The following MACROD2 variants were observed in gnomAD, a reference collection of about 807,000 sequenced individuals.
The protein encoded by MACROD2 is mono-ADP ribosylhydrolase 2.
In MACROD2, 36 loss-of-function variants were observed where a neutral mutation model predicts 70.4. The observed-to-expected ratio is 0.51, with a 90% CI of 0.39 to 0.68. The LOEUF (loss-of-function observed/expected upper bound fraction) is 0.68, where lower values mean the gene tolerates loss of function less well. MACROD2 is among the 30% of genes least tolerant of loss of function. MACROD2 has a pLI of 0.00. For synonymous variants in MACROD2, 172 were observed against 178.8 expected (o/e 0.96, Z 0.30); for missense variants, 496 against 538.4 (o/e 0.92, Z 0.78).
At chr20:14,074,376 C>G (rs1175447836) in intron 2 of MACROD2, among the ~76,000 whole-genome samples, 1 of 152,156 alleles carries the variant, frequency 6.6e-6, no homozygotes, top group African/African-American at 2.4e-5. Flanking sequence ...ATCCAGGACT[C>G]AGCTGTATAC....
intron 11 of MACROD2, 114 bp downstream of exon 11, chr20:15,933,452 A>G: frequency 7.4e-6 from 7 of 944,924 alleles, no homozygotes; most frequent in Non-Finnish European, 1.1e-5. Context: ...GATGAACTCC[A>G]GTGTTCATTC....
chr20:14,360,709 G>A (rs149122940), intron 3 of MACROD2, among the ~76,000 whole-genome samples: 13 of 152,306 alleles, frequency 8.5e-5, no homozygotes, highest in African/African-American at 3.1e-4. Context: ...AGTTATTGCT[G>A]TAATCAGGCA....
intron 3 of MACROD2, among the ~76,000 whole-genome samples, chr20:14,423,224 A>C (rs1275108222): frequency 6.6e-6 from 1 of 152,140 alleles, no homozygotes; most frequent in African/African-American, 2.4e-5. Flanking sequence ...AGACACCACA[A>C]AATTTTCTAT....
intron 2 of MACROD2, among the ~76,000 whole-genome samples, chr20:14,066,061 C>A (rs1026504502): frequency 6.6e-6 from 1 of 151,900 alleles, no homozygotes; most frequent in Admixed American, 6.6e-5. Flanking sequence ...TTTCTTTTTA[C>A]TAATTTAGGC....
intron 8 of MACROD2, among the ~76,000 whole-genome samples, chr20:15,516,922 A>G (rs1234157719): frequency 6.6e-6 from 1 of 152,220 alleles, no homozygotes; most frequent in Non-Finnish European, 1.5e-5. Context: ...TCAAAACACT[A>G]CTTATGCTCA....
intron 8 of MACROD2, among the ~76,000 whole-genome samples, chr20:15,568,168 A>G (rs888124): frequency 0.029 from 4,450 of 152,184 alleles, 201 homozygotes; most frequent in South Asian, 0.13. Context: ...CCATTTCTCT[A>G]TCATGGCAAA....
intron 3 of MACROD2, among the ~76,000 whole-genome samples, chr20:14,313,696 T>C (rs761410715): frequency 2.0e-5 from 3 of 152,176 alleles, no homozygotes; most frequent in Admixed American, 2.0e-4. Context: ...GTAGACATCA[T>C]AGAAGAATTT....
intron 16 of MACROD2, among the ~76,000 whole-genome samples, chr20:16,043,303 G>A (rs1383834332): frequency 6.6e-6 from 1 of 152,044 alleles, no homozygotes; most frequent in Non-Finnish European, 1.5e-5. Context: ...GTAAAAAATA[G>A]GGACGCTGAC....
intron 4 of MACROD2, among the ~76,000 whole-genome samples, chr20:14,552,098 A>T (rs996390219): frequency 1.3e-5 from 2 of 151,742 alleles, no homozygotes; most frequent in African/African-American, 4.8e-5. Flanking sequence ...CCTCAGGGAG[A>T]TCAGAAAGCA....
intron 6 of MACROD2, among the ~76,000 whole-genome samples, chr20:15,266,754 T>A (rs1380378068): frequency 1.3e-5 from 2 of 152,222 alleles, no homozygotes; most frequent in East Asian, 3.8e-4. Flanking sequence ...ATTGTATGTC[T>A]CTTGGTTACC....
rs192959074 is a variant in MACROD2, at chr20:15,300,768, A to G, written c.540+70707A>G. On this transcript the variant is annotated intron_variant, in intron 6 of 17. Transcript: ENST00000684519. ...AAGTGGGTAGGGTTAAGGCTGGTCA[A>G]TGATAAACCTGGCATCAGTATTAGA... Among the ~76,000 whole-genome samples, 301 of 152,308 alleles carry G rather than the reference A, an allele frequency of 2.0e-3. 2 individuals carry two copies. The highest frequency in any genetic ancestry group is 6.4e-3 in the African/African-American group (268 of 41,562).
chr20:15,940,468 C>A (rs2065736071), intron 12 of MACROD2, among the ~76,000 whole-genome samples: 1 of 152,152 alleles, frequency 6.6e-6, no homozygotes, highest in South Asian at 2.1e-4. Flanking sequence ...ACAGAGAAAT[C>A]TTCTGTGAAA....
intron 5 of MACROD2, among the ~76,000 whole-genome samples, chr20:14,895,796 T>C (rs1214850746): frequency 1.3e-5 from 2 of 152,294 alleles, no homozygotes; most frequent in East Asian, 3.9e-4. Flanking sequence ...TAGGTTCCTT[T>C]CTAGTTGAGA....
At chr20:14,118,111 A>G (rs1275159253) in intron 3 of MACROD2, among the ~76,000 whole-genome samples, 1 of 152,186 alleles carries the variant, frequency 6.6e-6, no homozygotes, top group African/African-American at 2.4e-5. Flanking sequence ...GTTTGTGGCA[A>G]TTTGTTATAC....
intron 5 of MACROD2, among the ~76,000 whole-genome samples, chr20:15,111,860 G>C (rs1183667018): frequency 1.3e-5 from 2 of 152,210 alleles, no homozygotes; most frequent in East Asian, 3.8e-4. Context: ...GCAAGTCTTT[G>C]AACTGTCAGA....
chr20:15,444,953 A>AATTACT (rs5840667), intron 7 of MACROD2, among the ~76,000 whole-genome samples: 71,388 of 151,250 alleles, frequency 0.47, 17,221 homozygotes, highest in African/African-American at 0.58. Context: ...AACATTTAAC[A>AATTACT]ATTATTTTTA....
intron 13 of MACROD2, chr20:15,985,771 G>A (rs1448883659): frequency 6.6e-6 from 1 of 152,306 alleles, no homozygotes; most frequent in Non-Finnish European, 1.5e-5. Flanking sequence ...AAGAAACGTA[G>A]CAGGATTAGC....
intron 8 of MACROD2, among the ~76,000 whole-genome samples, chr20:15,609,856 C>G (rs1374823496): frequency 6.6e-6 from 1 of 152,124 alleles, no homozygotes; most frequent in Admixed American, 6.5e-5. Context: ...CGCTTACCAG[C>G]CCTCTCAGGG....
At chr20:14,563,296 G>A (rs903345246) in intron 4 of MACROD2, among the ~76,000 whole-genome samples, 4 of 151,870 alleles carry the variant, frequency 2.6e-5, no homozygotes, top group African/African-American at 9.7e-5. Flanking sequence ...AGACACAAGA[G>A]TATGGTAATA....
Sources: gnomAD v4.1 joint callset for allele counts (sites outside exome capture counted in the v4.1 genomes callset) on GRCh38, gnomAD v4.1.1 for gene constraint, MANE v1.5 for transcripts, NCBI Gene and HGNC (gene_info 2026-07-23, HGNC 2026-07-21) for gene names.